DMD: variants seen among roughly 807,000 people sequenced by gnomAD.
DMD encodes dystrophin.
A neutral mutation model predicts 330.1 loss-of-function variants in DMD; 63 were observed. The ratio of observed to expected loss-of-function variants is 0.19; its 90% confidence interval spans 0.16 to 0.24. The LOEUF (loss-of-function observed/expected upper bound fraction) is 0.24. Among genes scored for constraint, DMD ranks in the 10% least tolerant of loss-of-function variants. The pLI, the probability that DMD is intolerant of heterozygous loss-of-function variation, is 1.00. For synonymous variants in DMD, 1,223 were observed against 959.8 expected (o/e 1.27, Z -5.07); for missense variants, 3,344 against 2,684.1 (o/e 1.25, Z -5.43).
At chrX:32,218,200 T>C (rs1373921397) in intron 43 of DMD, among the ~76,000 whole-genome samples, 2 of 111,758 alleles carry the variant, frequency 1.8e-5, no homozygotes, top group African/African-American at 6.5e-5. Context: ...CAAACAGTGA[T>C]CCTGGGGCTC....
chrX:32,782,995 A>G (rs1210350442), intron 7 of DMD, among the ~76,000 whole-genome samples: 2 of 104,533 alleles, frequency 1.9e-5, no homozygotes, highest in African/African-American at 6.9e-5. Flanking sequence ...TGGTGTGTGT[A>G]TATATACACA....
chrX:31,209,071 T>C (rs1285822985), intron 65 of DMD, among the ~76,000 whole-genome samples: 1 of 111,940 alleles, frequency 8.9e-6, no homozygotes, highest in Non-Finnish European at 1.9e-5. Context: ...CATAATCTTC[T>C]GCAAAAGTGT....
At chrX:32,940,582 A>T (rs999712926) in intron 2 of DMD, among the ~76,000 whole-genome samples, 8 of 111,440 alleles carry the variant, frequency 7.2e-5, no homozygotes, top group Non-Finnish European at 1.3e-4. Flanking sequence ...CCTGTTCAAT[A>T]AATGGACTGG....
intron 12 of DMD, among the ~76,000 whole-genome samples, chrX:32,604,413 G>C (rs2056499690): frequency 9.1e-6 from 1 of 109,771 alleles, no homozygotes; most frequent in Non-Finnish European, 1.9e-5. Flanking sequence ...AATAACAAAA[G>C]TCATATATGA....
intron 47 of DMD, among the ~76,000 whole-genome samples, chrX:31,876,848 A>G (rs969458140): frequency 8.9e-6 from 1 of 111,902 alleles, no homozygotes; most frequent in African/African-American, 3.2e-5. Flanking sequence ...TTACGAGACT[A>G]TTAACAATAC....
chrX:32,292,677 C>CT, intron 42 of DMD, among the ~76,000 whole-genome samples: 1 of 111,828 alleles, frequency 8.9e-6, no homozygotes, highest in East Asian at 2.8e-4. Flanking sequence ...GATCGTACAG[C>CT]TTTCCAGATG....
chrX:31,296,952 A>G (rs978273670), intron 62 of DMD, among the ~76,000 whole-genome samples: 1 of 112,046 alleles, frequency 8.9e-6, no homozygotes, highest in Non-Finnish European at 1.9e-5. Context: ...CTATGTCATA[A>G]CACATGCTTT....
chrX:31,198,515 T>C (rs927754479), intron 67 of DMD, among the ~76,000 whole-genome samples: 4 of 112,583 alleles, frequency 3.6e-5, no homozygotes, highest in African/African-American at 1.3e-4. Context: ...CATTGTATGC[T>C]TGTATCAAAA....
At chrX:31,576,138 A>G (rs1400557183) in intron 55 of DMD, among the ~76,000 whole-genome samples, 2 of 111,958 alleles carry the variant, frequency 1.8e-5, no homozygotes, top group Non-Finnish European at 3.8e-5. Flanking sequence ...CCCATAGTAC[A>G]TTATCATCAA....
intron 2 of DMD, among the ~76,000 whole-genome samples, chrX:32,918,646 C>T (rs1180934890): frequency 8.9e-6 from 1 of 112,183 alleles, no homozygotes; most frequent in Non-Finnish European, 1.9e-5. Context: ...CCACTGCACC[C>T]GGTCAACATG....
intron 1 of DMD, among the ~76,000 whole-genome samples, chrX:33,111,811 A>G (rs1000919590): frequency 3.6e-5 from 4 of 110,331 alleles, no homozygotes; most frequent in Non-Finnish European, 7.6e-5. Context: ...GGGTTTCACC[A>G]TGTTGGCCAG....
chrX:33,315,703 T>A (rs2053922667), intron 1 of DMD, among the ~76,000 whole-genome samples: 1 of 112,234 alleles, frequency 8.9e-6, no homozygotes, highest in Non-Finnish European at 1.9e-5. Context: ...TTAAGAATTA[T>A]ATGAGTCCTC....
intron 41 of DMD, among the ~76,000 whole-genome samples, chrX:32,315,314 A>T (rs2097579188): frequency 9.0e-6 from 1 of 110,999 alleles, no homozygotes; most frequent in Admixed American, 9.6e-5. Context: ...GCATGTTCTC[A>T]CTGATAATGG....
intron 7 of DMD, among the ~76,000 whole-genome samples, chrX:32,700,769 C>A (rs899621186): frequency 1.8e-5 from 2 of 110,913 alleles, no homozygotes; most frequent in African/African-American, 6.5e-5. Context: ...AATGTATTTT[C>A]CTTGCCATAC....
At chrX:33,069,575 C>T (rs1016259010) in intron 1 of DMD, among the ~76,000 whole-genome samples, 1 of 111,531 alleles carries the variant, frequency 9.0e-6, no homozygotes, top group Non-Finnish European at 1.9e-5. Flanking sequence ...ATGAAGAGGA[C>T]CTTGTCAACA....
At chrX:32,475,486 C>G (rs141164981) in intron 21 of DMD, among the ~76,000 whole-genome samples, 1,373 of 111,667 alleles carry the variant, frequency 0.012, 10 homozygotes, top group African/African-American at 0.039. Flanking sequence ...CCATCCACGA[C>G]TATGGGATGT....
intron 36 of DMD, 67 bp from the exon 37 acceptor site, chrX:32,363,025 G>T (rs1482396518): frequency 9.8e-7 from 1 of 1,016,795 alleles, no homozygotes; most frequent in African/African-American, 1.9e-5. Flanking sequence ...TAGAAAAAGA[G>T]AGCCAAACAG....
chrX:31,704,138 T>G (rs1158579049), intron 52 of DMD, among the ~76,000 whole-genome samples: 1 of 112,217 alleles, frequency 8.9e-6, no homozygotes, highest in Non-Finnish European at 1.9e-5. Context: ...ATATGTAAAT[T>G]TATTTTTAAT....
chrX:32,493,887 C>T (rs1034468313), intron 19 of DMD, among the ~76,000 whole-genome samples: 1 of 110,660 alleles, frequency 9.0e-6, no homozygotes, highest in Non-Finnish European at 1.9e-5. Flanking sequence ...TCAACATGAA[C>T]CAGGTATTAA....
Sources: allele counts gnomAD v4.1 joint callset (sites outside exome capture counted in the v4.1 genomes callset), GRCh38; gene constraint gnomAD v4.1.1; transcripts MANE v1.5; gene names NCBI Gene and HGNC (gene_info 2026-07-23, HGNC 2026-07-21).